SLC5A1: variants seen among roughly 807,000 people sequenced by gnomAD.
The protein encoded by SLC5A1 is sodium/glucose cotransporter 1.
Under a neutral mutation model 73.5 loss-of-function variants are expected in SLC5A1, and 42 were observed. The ratio of observed to expected loss-of-function variants is 0.57; its 90% confidence interval spans 0.45 to 0.74. The LOEUF (loss-of-function observed/expected upper bound fraction) is 0.74, where lower values mean the gene tolerates loss of function less well. Among genes scored for constraint, SLC5A1 ranks in the 30% least tolerant of loss-of-function variants. SLC5A1 has a pLI of 0.00. For missense variants in SLC5A1, 634 were observed against 855.4 expected, an observed-to-expected ratio of 0.74 and a Z score of 3.23; for synonymous variants, 300 against 317.4, an observed-to-expected ratio of 0.95 and a Z score of 0.58.
At chr22:32,100,885 G>T (rs886226226) in intron 12 of SLC5A1, among the ~76,000 whole-genome samples, 1 of 152,148 alleles carries the variant, frequency 6.6e-6, no homozygotes, top group East Asian at 1.9e-4. Flanking sequence ...GCAATCCCCC[G>T]GTTCAGATTG....
At chr22:32,059,588 G>A (rs1009001197) in intron 2 of SLC5A1, among the ~76,000 whole-genome samples, 8 of 151,816 alleles carry the variant, frequency 5.3e-5, no homozygotes, top group African/African-American at 9.7e-5. Context: ...CAGGGCTGCT[G>A]AGATTGGAGA....
chr22:32,112,947 CAT>C lies in SLC5A1; in HGVS notation c.*2740_*2741del, dbSNP rs2094060060. On this transcript the variant is annotated 3_prime_UTR_variant, in exon 15 of 15. Transcript: ENST00000266088. Reference sequence around the variant, plus strand: ...TAATTTAGTCATTTCACAATATGTACATATATAAAAATATGTTGTATGCCATG... The same window carrying C: ...TAATTTAGTCATTTCACAATATGTACATATAAAAATATGTTGTATGCCATG... 6.6e-6 allele frequency: 1 copy of C among 152,046 alleles called. No homozygotes were observed. The highest frequency in any genetic ancestry group is 1.5e-5 in the Non-Finnish European group (1 of 68,016). 9.4% of individuals were successfully genotyped at this position (152,046 alleles called of 1,614,324 possible).
chr22:32,060,018 C>CAT (rs2093958182), intron 2 of SLC5A1, among the ~76,000 whole-genome samples: 1 of 78,942 alleles, frequency 1.3e-5, no homozygotes, highest in Admixed American at 1.4e-4. Context: ...TGGTTATACA[C>CAT]ACACACACAC....
At chr22:32,068,982 A>G (rs1266734840) in intron 5 of SLC5A1, among the ~76,000 whole-genome samples, 1 of 152,240 alleles carries the variant, frequency 6.6e-6, no homozygotes, top group East Asian at 1.9e-4. Context: ...TTGTAGCACT[A>G]TTCACAATAG....
rs2094006089 is a variant in SLC5A1 at position 32,085,142 on chromosome 22, GTCTCAC to G, written c.1021+111_1021+116del. The G allele has an allele frequency of 1.5e-5, 19 of 1,303,744 alleles. No individual in the cohort carries two copies. The Admixed American group carries it at 3.2e-4, about 22-fold the overall frequency. The allele number at this position is 1,303,744 out of a possible 1,614,324, so 80.8% of individuals were successfully genotyped here. ...TCCTCCTCTTTTTTTTTGAGACCAG[GTCTCAC>G]TCTGTCACCCAGGCTGGAGTGCAGT... On this transcript the variant is annotated intron_variant, in intron 9 of 14. Transcript: ENST00000266088.
intron 8 of SLC5A1, 48 bp downstream of exon 8, chr22:32,084,707 T>C: frequency 6.4e-7 from 1 of 1,552,048 alleles, no homozygotes; most frequent in Admixed American, 1.7e-5. Flanking sequence ...TCCAGGGCCC[T>C]ACAGGAACTC....
chr22:32,105,486 G>A (rs2094044045), intron 14 of SLC5A1, among the ~76,000 whole-genome samples: 1 of 151,776 alleles, frequency 6.6e-6, no homozygotes, highest in Admixed American at 6.6e-5. Context: ...GTAGAGATGG[G>A]GTTTCTCCAT....
rs35772243 is a variant in SLC5A1 at position 32,085,546 on chromosome 22, C to CTT, written c.1021+530_1021+531dup. Among the ~76,000 whole-genome samples the CTT allele has an allele frequency of 9.9e-4, 118 of 119,112 alleles. 2 individuals are homozygous for CTT. The highest frequency in any genetic ancestry group is 1.6e-3 in the Non-Finnish European group (91 of 56,896). 78.1% of individuals were successfully genotyped at this position (119,112 alleles called of 152,430 possible). On this transcript the variant is annotated intron_variant, in intron 9 of 14. Coordinates refer to ENST00000266088, the MANE Select transcript of SLC5A1 (RefSeq NM_000343.4). Reference sequence around the variant, plus strand: ...TTCTTATGTCGACAATTGTTTCCTCCTTTTTTTTTTTTTTTTTTTTCAAAT... The same window carrying CTT: ...TTCTTATGTCGACAATTGTTTCCTCCTTTTTTTTTTTTTTTTTTTTTTCAAAT...
chr22:32,107,466 A>G (rs2094048333), intron 14 of SLC5A1, among the ~76,000 whole-genome samples: 1 of 152,232 alleles, frequency 6.6e-6, no homozygotes. Flanking sequence ...TCTCTTCCTA[A>G]TACTCTGGGA....
chr22:32,049,215 A>G (rs1279657269), intron 1 of SLC5A1, among the ~76,000 whole-genome samples: 2 of 77,494 alleles, frequency 2.6e-5, no homozygotes, highest in African/African-American at 6.1e-5. Flanking sequence ...ATCTATATCT[A>G]TATCTATATC....
At chr22:32,097,678 AAAC>A (rs796188857) in intron 11 of SLC5A1, among the ~76,000 whole-genome samples, 40 of 152,294 alleles carry the variant, frequency 2.6e-4, no homozygotes, top group African/African-American at 9.4e-4. Flanking sequence ...GAGAAGAAGA[AAAC>A]AATAATAATA....
Position 32,101,957 on chromosome 22 carries a change from G to GA in SLC5A1, c.1450-63dup, listed in dbSNP as rs910222206. 1.9e-5 allele frequency: 24 copies of GA among 1,286,218 alleles called. No individual in the cohort carries two copies. The African/African-American group carries it at 3.1e-4, about 16-fold the overall frequency. 79.7% of individuals were successfully genotyped at this position (1,286,218 alleles called of 1,614,324 possible). On this transcript the variant is annotated intron_variant, in intron 12 of 14. Transcript: ENST00000266088. ...TTGCCTCTGCCTATGCCTCTCCAAA[G>GA]AATGTTAGAAAGGCCATCTGTTTTG...
intron 5 of SLC5A1, among the ~76,000 whole-genome samples, chr22:32,081,395 G>A (rs557524754): frequency 1.3e-5 from 2 of 152,246 alleles, no homozygotes; most frequent in South Asian, 2.1e-4. Flanking sequence ...GTTTCTCCCC[G>A]CTCCTGGGTG....
intron 14 of SLC5A1, 57 bp from the exon 15 acceptor site, chr22:32,109,933 A>G: frequency 6.9e-7 from 1 of 1,443,016 alleles, no homozygotes; most frequent in Admixed American, 1.7e-5. Context: ...CTCCCCTGAA[A>G]ACTTTTCTAG....
In SLC5A1 at chr22:32,049,877, T is replaced by C. The variant is rs2093942988; in HGVS notation, c.136-66T>C. ...AAGAAGGTGCACGAATGGGGAGGTA[T>C]GTCCTTTTGGCTGGCAAGGCCACTC... On this transcript the variant is annotated intron_variant, in intron 1 of 14. Coordinates refer to ENST00000266088, the MANE Select transcript of SLC5A1 (RefSeq NM_000343.4). 6 of 1,262,692 alleles carry C rather than the reference T, an allele frequency of 4.8e-6. No individual in the cohort carries two copies. The South Asian group carries it at 5.9e-5, about 13-fold the overall frequency. 78.2% of individuals were successfully genotyped at this position (1,262,692 alleles called of 1,614,324 possible).
intron 4 of SLC5A1, 112 bp downstream of exon 4, chr22:32,068,138 T>C (rs2149488096): frequency 9.4e-7 from 1 of 1,061,952 alleles, no homozygotes; most frequent in Non-Finnish European, 1.5e-6. Context: ...AATCTGTGGA[T>C]TGGCTTTCAC....
chr22:32,101,912 CT>C, intron 12 of SLC5A1, 109 bp from the exon 13 acceptor site: 1 of 839,874 alleles, frequency 1.2e-6, no homozygotes, highest in Non-Finnish European at 2.0e-6. Flanking sequence ...GGAGCTACCA[CT>C]TCTCCTACCT....
At chr22:32,056,437 C>CTTTTTTTTT (rs35843263) in intron 2 of SLC5A1, among the ~76,000 whole-genome samples, 2 of 121,618 alleles carry the variant, frequency 1.6e-5, no homozygotes, top group African/African-American at 3.0e-5. Context: ...ACCTTCCTGT[C>CTTTTTTTTT]TTTTTTTTTT....
rs1330907091 is a variant in SLC5A1, at chr22:32,112,095, CAG to C, written c.*1886_*1887del. ...TGAACCTTCATTTTTCATCTGAAAACAGAGACATAAATGCCTGGCTCACAGAT... is the reference window on the plus strand; with the variant it reads ...TGAACCTTCATTTTTCATCTGAAAACAGACATAAATGCCTGGCTCACAGAT... On this transcript the variant is annotated 3_prime_UTR_variant, in exon 15 of 15. Transcript: ENST00000266088. The C allele has an allele frequency of 2.0e-5, 3 of 152,278 alleles. No homozygotes were observed. The highest frequency in any genetic ancestry group is 4.4e-5 in the Non-Finnish European group (3 of 68,020). The allele number at this position is 152,278 out of a possible 1,614,324, so 9.4% of individuals were successfully genotyped here. A position where few individuals can be genotyped will look rare whatever the true frequency, so the allele number is the denominator to read the frequency against.
Sources: gnomAD v4.1 joint callset for allele counts (sites outside exome capture counted in the v4.1 genomes callset) on GRCh38, gnomAD v4.1.1 for gene constraint, MANE v1.5 for transcripts, NCBI Gene and HGNC (gene_info 2026-07-23, HGNC 2026-07-21) for gene names.